The following AADACL3 variants were observed in gnomAD, a reference collection of about 807,000 sequenced individuals.
The protein encoded by AADACL3 is arylacetamide deacetylase like 3.
AADACL3 carries 13 observed loss-of-function variants against 13.6 expected under a neutral mutation model. The ratio of observed to expected loss-of-function variants is 0.95; its 90% CI spans 0.62 to 1.52. The LOEUF is 1.52. AADACL3 is among the 40% of genes most tolerant of loss of function. AADACL3 has a pLI of 0.00. For synonymous variants in AADACL3, 195 were observed against 197.0 expected (o/e 0.99, Z 0.08); for missense variants, 519 against 499.2 (o/e 1.04, Z -0.38).
At chr1:12,719,794 A>G in intron 2 of AADACL3, 103 bp downstream of exon 2, 1 of 1,180,546 alleles carries the variant, frequency 8.5e-7, no homozygotes, top group Non-Finnish European at 1.2e-6. Flanking sequence ...TATTATTATC[A>G]GGGAACACCA....
At chr1:12,718,169 T>C (rs1025708310) in intron 1 of AADACL3, among the ~76,000 whole-genome samples, 2 of 152,154 alleles carry the variant, frequency 1.3e-5, no homozygotes, top group Admixed American at 1.3e-4. Context: ...AATATTTTGA[T>C]AAGTATATTT....
At position 12,725,312 on chromosome 1, in the gene AADACL3, T is replaced by G; in HGVS notation, c.540T>G (p.Tyr180Ter). 1 of 1,614,096 alleles carries G rather than the reference T, an allele frequency of 6.2e-7. No individual in the cohort carries two copies. Among genetic ancestry groups the G allele is most frequent in the Non-Finnish European group, 8.5e-7 (1 of 1,179,998 alleles). Residue 180 changes from tyrosine to a stop codon, truncating the protein, a stop_gained, in exon 4 of 4, where the codon TAT (tyrosine) becomes TAG (stop). Coordinates refer to ENST00000359318, the MANE Select transcript of AADACL3 (RefSeq NM_001103170.3). LOFTEE classifies it low-confidence loss of function (END_TRUNC). The stretch of plus-strand genomic sequence containing the variant: ...ACTTCCTGAAGTCCCTGGATGCATA[T>G]GGAGTGGATCCAGCCCGGGTTGTGG... ...TIHFLKSLDA[Y>*]GVDPARVVVC...
chr1:12,719,817 G>A, intron 2 of AADACL3, 126 bp downstream of exon 2: 1 of 1,012,324 alleles, frequency 9.9e-7, no homozygotes. Context: ...GCAGTTCATG[G>A]TTTGCAGATC....
rs764726299 is a variant in AADACL3, at chr1:12,720,913, G to A, written c.416G>A (p.Cys139Tyr). ...CACCATGGCATATGCTCTCGTTTGTGCAAGGAGAGTGACTCCGTGGTTCTG... is the reference window on the plus strand; with the variant it reads ...CACCATGGCATATGCTCTCGTTTGTACAAGGAGAGTGACTCCGTGGTTCTG... ...KTHHGICSRLCKESDSVVLAV... is the reference protein window; with the variant it reads ...KTHHGICSRLYKESDSVVLAV... The change falls in exon 3 of 4, where the codon TGC becomes TAC. Residue 139 changes from cysteine (C) to tyrosine (Y), a missense_variant. Physicochemically the swap from Cys to Tyr is radical, Grantham distance 194. Coordinates refer to ENST00000359318, the MANE Select transcript of AADACL3 (RefSeq NM_001103170.3). 5.0e-6 allele frequency: 8 copies of A among 1,612,074 alleles called. No homozygotes were observed. The highest frequency in any genetic ancestry group is 6.8e-6 in the Non-Finnish European group (8 of 1,178,752).
intron 3 of AADACL3, among the ~76,000 whole-genome samples, chr1:12,722,086 C>T (rs182634312): frequency 1.3e-5 from 2 of 152,152 alleles, no homozygotes; most frequent in Admixed American, 6.5e-5. Context: ...AATCCCAGCA[C>T]GAGGCCAAGG....
chr1:12,717,158 C>A (rs1181643914), intron 1 of AADACL3, among the ~76,000 whole-genome samples: 1 of 152,170 alleles, frequency 6.6e-6, no homozygotes, highest in African/African-American at 2.4e-5. Flanking sequence ...TCAAGAGACA[C>A]CCTAGGTGTG....
chr1:12,727,998 A>G lies in AADACL3; in HGVS notation c.*2002A>G, dbSNP rs1255455967. ...ATGTATAACATTTTAAGAGGCTGAG[A>G]GCACCCCTTGTTGGGCGCATGCCCA... is the stretch of plus-strand genomic sequence containing the variant. On this transcript the variant is annotated 3_prime_UTR_variant, in exon 4 of 4. Coordinates refer to ENST00000359318, the MANE Select transcript of AADACL3 (RefSeq NM_001103170.3). The G allele has an allele frequency of 1.3e-5, 2 of 152,240 alleles. No individual in the cohort carries two copies. Among genetic ancestry groups the G allele is most frequent in the African/African-American group, 4.8e-5 (2 of 41,460 alleles). 9.4% of individuals were successfully genotyped at this position (152,240 alleles called of 1,614,324 possible). A position where few individuals can be genotyped will look rare whatever the true frequency, so the allele number is the denominator to read the frequency against.
At position 12,725,351 on chromosome 1, in the gene AADACL3, T is replaced by A; in HGVS notation, c.579T>A (p.Ser193Arg). The A allele has an allele frequency of 6.2e-7, 1 of 1,614,088 alleles. No homozygotes were observed. The highest frequency in any genetic ancestry group is 8.5e-7 in the Non-Finnish European group (1 of 1,180,014). The change falls in exon 4 of 4, where the codon AGT becomes AGA. Residue 193 changes from serine (S) to arginine (R), a missense_variant. Coordinates refer to ENST00000359318, the MANE Select transcript of AADACL3 (RefSeq NM_001103170.3). ...CCCGGGTTGTGGTCTGCGGTGACAG[T>A]TTCGGAGGGGCAATAGCCGCAGTGG... ...DPARVVVCGD[S>R]FGGAIAAVVC...
chr1:12,717,748 G>A (rs1002687764), intron 1 of AADACL3, among the ~76,000 whole-genome samples: 6 of 152,160 alleles, frequency 3.9e-5, no homozygotes, highest in South Asian at 2.1e-4. Flanking sequence ...AGCAAAACCC[G>A]TCAGGGGAGC....
chr1:12,720,967 A>C (rs748063569), intron 3 of AADACL3, 21 bp downstream of exon 3: 1 of 1,570,692 alleles, frequency 6.4e-7, no homozygotes, highest in Non-Finnish European at 8.7e-7. Context: ...GGGAGATCCC[A>C]GGGAGCCAGC....
At chr1:12,717,058 ACTTTTT>A (rs1318148040) in intron 1 of AADACL3, among the ~76,000 whole-genome samples, 3 of 152,222 alleles carry the variant, frequency 2.0e-5, no homozygotes, top group Non-Finnish European at 4.4e-5. Flanking sequence ...GATTTCTTGT[ACTTTTT>A]CTTGTGCCTT....
At chr1:12,718,091 G>C (rs561448686) in intron 1 of AADACL3, among the ~76,000 whole-genome samples, 82 of 152,244 alleles carry the variant, frequency 5.4e-4, no homozygotes, top group African/African-American at 1.8e-3. Flanking sequence ...GTAGTATCAG[G>C]CAGCAGTTAG....
At chr1:12,718,182 A>G (rs984268609) in intron 1 of AADACL3, among the ~76,000 whole-genome samples, 4 of 152,138 alleles carry the variant, frequency 2.6e-5, no homozygotes, top group African/African-American at 9.7e-5. Flanking sequence ...GTATATTTAA[A>G]TAACACTGCT....
intron 3 of AADACL3, among the ~76,000 whole-genome samples, chr1:12,723,907 C>A (rs552692640): frequency 8.6e-5 from 13 of 151,930 alleles, no homozygotes; most frequent in Admixed American, 5.9e-4. Flanking sequence ...CCTCAGCCTT[C>A]CTGAGTAGCT....
At chr1:12,722,722 G>A (rs1638290672) in intron 3 of AADACL3, among the ~76,000 whole-genome samples, 1 of 150,928 alleles carries the variant, frequency 6.6e-6, no homozygotes, top group African/African-American at 2.4e-5. Flanking sequence ...TTTAAAAATA[G>A]TGAACTTTCT....
chr1:12,722,268 A>G (rs542456743), intron 3 of AADACL3, among the ~76,000 whole-genome samples: 2 of 147,074 alleles, frequency 1.4e-5, no homozygotes, highest in South Asian at 4.6e-4. Context: ...CAGAGGTTAC[A>G]GTGAGCTGAG....
At chr1:12,719,823 A>G in intron 2 of AADACL3, 132 bp downstream of exon 2, 1 of 940,204 alleles carries the variant, frequency 1.1e-6, no homozygotes, top group Middle Eastern at 3.4e-4. Flanking sequence ...CATGGTTTGC[A>G]GATCATTGAG....
In AADACL3 at chr1:12,726,306, C is replaced by T. The variant is rs3010885; in HGVS notation, c.*310C>T. ...GCCGGTAAGAGCTGTTCTCAGCCTC[C>T]CTAAGGGGCAGTTCAGGCTCCCAGA... is the stretch of plus-strand genomic sequence containing the variant. On this transcript the variant is annotated 3_prime_UTR_variant, in exon 4 of 4. Coordinates refer to ENST00000359318, the MANE Select transcript of AADACL3 (RefSeq NM_001103170.3). 101,920 of 353,672 alleles carry T rather than the reference C, an allele frequency of 0.29. 15,444 individuals carry two copies. The highest frequency in any genetic ancestry group is 0.41 in the African/African-American group (19,763 of 47,998). The allele number at this position is 353,672 out of a possible 1,614,324, so 21.9% of individuals were successfully genotyped here.
In AADACL3 at chr1:12,728,201, G is replaced by C. The variant is rs1019360560; in HGVS notation, c.*2205G>C. The C allele has an allele frequency of 6.6e-6, 1 of 152,172 alleles. No individual in the cohort carries two copies. The highest frequency in any genetic ancestry group is 2.4e-5 in the African/African-American group (1 of 41,436). The allele number at this position is 152,172 out of a possible 1,614,324, so 9.4% of individuals were successfully genotyped here. ...AGGGATAGGAATGAATGTTCACCCA[G>C]GGCCAGCTACATGCTAGGCACTGTA... On this transcript the variant is annotated 3_prime_UTR_variant, in exon 4 of 4. Coordinates refer to ENST00000359318, the MANE Select transcript of AADACL3 (RefSeq NM_001103170.3).
Sources: gnomAD v4.1 joint callset for allele counts (sites outside exome capture counted in the v4.1 genomes callset) on GRCh38, gnomAD v4.1.1 for gene constraint, MANE v1.5 for transcripts, NCBI Gene and HGNC (gene_info 2026-07-23, HGNC 2026-07-21) for gene names.